The following NFIB variants were observed in gnomAD, a reference collection of about 807,000 sequenced individuals.
NFIB encodes nuclear factor I B, also known as nuclear factor 1 B-type.
A neutral mutation model predicts 61.5 loss-of-function variants in NFIB; 11 were observed. That is an observed-to-expected ratio of 0.18 (90% CI 0.11 to 0.30). NFIB has a LOEUF of 0.30. Ranked by LOEUF, NFIB falls within the 10% of genes least tolerant of loss-of-function variation. The pLI is 1.00. For synonymous variants in NFIB, 260 were observed against 216.5 expected, an observed-to-expected ratio of 1.20 and a Z score of -1.76; for missense variants, 471 against 608.9, an observed-to-expected ratio of 0.77 and a Z score of 2.38.
intron 2 of NFIB, among the ~76,000 whole-genome samples, chr9:14,275,320 A>C (rs1400166020): frequency 6.6e-6 from 1 of 152,186 alleles, no homozygotes; most frequent in Non-Finnish European, 1.5e-5. Flanking sequence ...CTTCTTTATC[A>C]GCCAACATTC....
the NFIB span, among the ~76,000 whole-genome samples, chr9:14,522,420 T>C: frequency 1.3e-5 from 2 of 152,176 alleles, no homozygotes; most frequent in Non-Finnish European, 2.9e-5. Flanking sequence ...ATTAACATCT[T>C]ATTGGAAAAA....
the NFIB span, among the ~76,000 whole-genome samples, chr9:14,521,165 C>T: frequency 6.6e-6 from 1 of 152,174 alleles, no homozygotes; most frequent in African/African-American, 2.4e-5. Context: ...TCCACCCTTT[C>T]AAATTTCTTG....
intron 5 of NFIB, among the ~76,000 whole-genome samples, chr9:14,148,100 T>C (rs1279915674): frequency 6.6e-6 from 1 of 152,126 alleles, no homozygotes; most frequent in Non-Finnish European, 1.5e-5. Flanking sequence ...AAATTATGAC[T>C]ATAAAAGTGA....
the NFIB span, among the ~76,000 whole-genome samples, chr9:14,407,690 T>C: frequency 6.6e-6 from 1 of 152,168 alleles, no homozygotes; most frequent in Non-Finnish European, 1.5e-5. Flanking sequence ...AATTTACTTT[T>C]TATTTTTATT....
chr9:14,334,741 G>A (rs1186924677), intron 1 of NFIB, among the ~76,000 whole-genome samples: 33 of 152,122 alleles, frequency 2.2e-4, no homozygotes. Flanking sequence ...TAATTGATAA[G>A]TTTTGACATC....
At chr9:14,253,307 C>T (rs1298683906) in intron 2 of NFIB, among the ~76,000 whole-genome samples, 1 of 152,126 alleles carries the variant, frequency 6.6e-6, no homozygotes, top group Admixed American at 6.5e-5. Context: ...TTGCTAGATA[C>T]AAGTTCTCTG....
intron 3 of NFIB, among the ~76,000 whole-genome samples, chr9:14,159,245 T>A (rs1032043709): frequency 3.9e-5 from 6 of 152,176 alleles, no homozygotes; most frequent in Non-Finnish European, 7.3e-5. Context: ...AGGGTGTTTC[T>A]CCACTCCCCA....
At chr9:14,353,405 A>G (rs1468325821) in intron 1 of NFIB, among the ~76,000 whole-genome samples, 1 of 152,130 alleles carries the variant, frequency 6.6e-6, no homozygotes, top group Non-Finnish European at 1.5e-5. Flanking sequence ...CAAATGGTGG[A>G]CCACTGCTAG....
intron 1 of NFIB, among the ~76,000 whole-genome samples, chr9:14,319,934 AAATAT>A (rs1326734968): frequency 6.6e-6 from 1 of 152,262 alleles, no homozygotes; most frequent in Non-Finnish European, 1.5e-5. Context: ...GGCCTAAACA[AAATAT>A]ATGTTCAGTA....
intron 2 of NFIB, among the ~76,000 whole-genome samples, chr9:14,214,799 T>A (rs2050678761): frequency 6.6e-6 from 1 of 152,234 alleles, no homozygotes; most frequent in African/African-American, 2.4e-5. Context: ...AATATGAATA[T>A]CCTGCTGAGA....
At chr9:14,454,996 A>G in the NFIB span, among the ~76,000 whole-genome samples, 2 of 152,234 alleles carry the variant, frequency 1.3e-5, no homozygotes, top group Admixed American at 6.5e-5. Flanking sequence ...ATAGGTATGT[A>G]ATATGAGCAA....
intron 2 of NFIB, among the ~76,000 whole-genome samples, chr9:14,289,478 T>G (rs541264044): frequency 6.6e-6 from 1 of 151,898 alleles, no homozygotes; most frequent in South Asian, 2.1e-4. Flanking sequence ...AATATATATT[T>G]GGTATACCAA....
In NFIB at chr9:14,237,101, A is replaced by G. The variant is rs560364648; in HGVS notation, c.563-57321T>C. Among the ~76,000 whole-genome samples, 4 of 152,300 alleles carry G rather than the reference A, an allele frequency of 2.6e-5. No homozygotes were observed. In the South Asian group the frequency reaches 6.2e-4, roughly 24 times the overall value. ...GTAGGGCCACTAACCCACACAAACTAAACTGCAAAATTATGAACTGCATAA... is the reference window on the plus strand; with the variant it reads ...GTAGGGCCACTAACCCACACAAACTGAACTGCAAAATTATGAACTGCATAA... On this transcript the variant is annotated intron_variant, in intron 2 of 10. Coordinates refer to ENST00000380953, the MANE Select transcript of NFIB (RefSeq NM_001190737.2).
chr9:14,365,930 C>T (rs1297717055), intron 1 of NFIB, among the ~76,000 whole-genome samples: 1 of 152,144 alleles, frequency 6.6e-6, no homozygotes, highest in African/African-American at 2.4e-5. Context: ...CTGCTGATGC[C>T]TGAGAGCCAG....
At chr9:14,475,152 T>A in the NFIB span, among the ~76,000 whole-genome samples, 1 of 152,324 alleles carries the variant, frequency 6.6e-6, no homozygotes, top group East Asian at 1.9e-4. Flanking sequence ...GCTAATTTAA[T>A]CCTCATAAAA....
chr9:14,418,949 T>C, the NFIB span, among the ~76,000 whole-genome samples: 2 of 152,034 alleles, frequency 1.3e-5, no homozygotes, highest in African/African-American at 2.4e-5. Context: ...ATACAGGAAA[T>C]AGGGGTTAGA....
intron 1 of NFIB, among the ~76,000 whole-genome samples, chr9:14,344,294 G>C (rs1476341137): frequency 1.3e-5 from 2 of 151,870 alleles, no homozygotes; most frequent in Non-Finnish European, 2.9e-5. Context: ...ATGGGGGTGC[G>C]AGAGTGGGGT....
the NFIB span, among the ~76,000 whole-genome samples, chr9:14,482,651 A>G: frequency 2.6e-5 from 4 of 152,330 alleles, no homozygotes; most frequent in East Asian, 7.7e-4. Context: ...CCTGCTAATG[A>G]TTACAAGGAT....
chr9:14,389,711 G>C (rs1440615218), intron 1 of NFIB, among the ~76,000 whole-genome samples: 2 of 151,964 alleles, frequency 1.3e-5, no homozygotes, highest in African/African-American at 4.8e-5. Flanking sequence ...TGGATCACAA[G>C]CAGAACAGTA....
Sources: allele counts gnomAD v4.1 joint callset (sites outside exome capture counted in the v4.1 genomes callset), GRCh38; gene constraint gnomAD v4.1.1; transcripts MANE v1.5; gene names NCBI Gene and HGNC (gene_info 2026-07-23, HGNC 2026-07-21).